Variants in NRXN1 observed in about 807,000 individuals in gnomAD.
NRXN1 encodes the protein neurexin-1.
A neutral mutation model predicts 150.9 loss-of-function variants in NRXN1; 39 were observed. That is an observed-to-expected ratio of 0.26 (90% CI 0.20 to 0.34). NRXN1 has a LOEUF of 0.34. Among genes scored for constraint, NRXN1 ranks in the 10% least tolerant of loss-of-function variants. NRXN1 has a pLI of 1.00. For synonymous variants in NRXN1, 924 were observed against 757.0 expected (o/e 1.22, Z -3.62); for missense variants, 1,815 against 1,949.9 (o/e 0.93, Z 1.30).
chr2:50,039,750 T>C lies in NRXN1; in HGVS notation c.4128+13521A>G, dbSNP rs17039695. Among the ~76,000 whole-genome samples, 208 of 152,218 alleles carry C rather than the reference T, an allele frequency of 1.4e-3. 3 individuals are homozygous for C. The East Asian group carries it at 0.032, about 23-fold the overall frequency. ...TGACTGGGAATTTAAAATGATGATA[T>C]AATAAAGGCAAGAGATTCAATACAA... is the stretch of plus-strand genomic sequence containing the variant. On this transcript the variant is annotated intron_variant, in intron 21 of 22. Transcript: ENST00000401669.
chr2:50,027,134 G>T (rs753031220), intron 21 of NRXN1, among the ~76,000 whole-genome samples: 1 of 151,698 alleles, frequency 6.6e-6, no homozygotes, highest in Non-Finnish European at 1.5e-5. Context: ...CACCCAACTC[G>T]GGTTCCCAAA....
chr2:50,984,878 A>G (rs1470683833), intron 2 of NRXN1, among the ~76,000 whole-genome samples: 1 of 152,106 alleles, frequency 6.6e-6, no homozygotes, highest in Non-Finnish European at 1.5e-5. Context: ...TTAGATCTAA[A>G]AAAAATTATC....
chr2:50,990,399 A>G (rs1330734141), intron 2 of NRXN1, among the ~76,000 whole-genome samples: 1 of 152,066 alleles, frequency 6.6e-6, no homozygotes, highest in Non-Finnish European at 1.5e-5. Context: ...ATGTTTTTCA[A>G]AGCTTTTAGC....
intron 17 of NRXN1, among the ~76,000 whole-genome samples, chr2:50,398,092 G>A (rs1213331545): frequency 6.6e-6 from 1 of 152,134 alleles, no homozygotes; most frequent in African/African-American, 2.4e-5. Context: ...TTCAGAGGCT[G>A]TGACATTTTC....
intron 1 of NRXN1, among the ~76,000 whole-genome samples, chr2:51,030,062 A>G (rs1011238279): frequency 2.0e-5 from 3 of 151,882 alleles, no homozygotes; most frequent in Non-Finnish European, 4.4e-5. Context: ...TCTTTATTCA[A>G]CTCTAATCTG....
chr2:50,476,881 G>A (rs1198232197), intron 15 of NRXN1, among the ~76,000 whole-genome samples: 1 of 152,020 alleles, frequency 6.6e-6, no homozygotes, highest in Non-Finnish European at 1.5e-5. Flanking sequence ...TTGACACAAA[G>A]CGATTAAGAG....
intron 5 of NRXN1, among the ~76,000 whole-genome samples, chr2:50,822,828 C>T (rs1669928297): frequency 6.6e-6 from 1 of 151,926 alleles, no homozygotes; most frequent in Non-Finnish European, 1.5e-5. Context: ...CAGCTTAAGC[C>T]CCTATCTAGA....
chr2:50,887,898 T>G (rs913322458), intron 5 of NRXN1, among the ~76,000 whole-genome samples: 2 of 150,854 alleles, frequency 1.3e-5, no homozygotes, highest in African/African-American at 4.9e-5. Flanking sequence ...TCATACCAAA[T>G]TGTAAAATAG....
At chr2:50,159,838 C>A (rs73932960) in intron 18 of NRXN1, among the ~76,000 whole-genome samples, 2,973 of 152,154 alleles carry the variant, frequency 0.02, 107 homozygotes, top group African/African-American at 0.068. Context: ...TTTAATAATA[C>A]TGGAGACAAT....
chr2:50,466,305 AC>A (rs2088839613), intron 16 of NRXN1, among the ~76,000 whole-genome samples: 1 of 151,782 alleles, frequency 6.6e-6, no homozygotes, highest in Non-Finnish European at 1.5e-5. Context: ...AAACTATGCT[AC>A]AAAGTTAGGC....
intron 18 of NRXN1, among the ~76,000 whole-genome samples, chr2:50,219,933 AT>A (rs1224941396): frequency 0.44 from 42,291 of 96,414 alleles, 9,434 homozygotes; most frequent in African/African-American, 0.52. Flanking sequence ...TATATTATAT[AT>A]ATTATATATT....
intron 17 of NRXN1, among the ~76,000 whole-genome samples, chr2:50,334,209 A>ATATGTATGTATGTATG (rs57342694): frequency 8.2e-6 from 1 of 121,452 alleles, no homozygotes; most frequent in East Asian, 2.4e-4. Flanking sequence ...ATATATATAT[A>ATATGTATGTATGTATG]TATGTATGTA....
At chr2:50,106,583 A>C (rs1181980538) in intron 18 of NRXN1, among the ~76,000 whole-genome samples, 2 of 152,026 alleles carry the variant, frequency 1.3e-5, no homozygotes, top group African/African-American at 4.8e-5. Flanking sequence ...GCCAAGATGA[A>C]CAAATGTGAA....
chr2:50,651,507 G>GACATA (rs552235633), intron 5 of NRXN1, among the ~76,000 whole-genome samples: 12 of 145,662 alleles, frequency 8.2e-5, no homozygotes, highest in Admixed American at 1.4e-4. Context: ...GACATGACAT[G>GACATA]ACATAACATG....
chr2:50,084,472 G>A (rs530283824), intron 19 of NRXN1, among the ~76,000 whole-genome samples: 2 of 152,244 alleles, frequency 1.3e-5, no homozygotes, highest in South Asian at 2.1e-4. Context: ...CATCACTGCC[G>A]GGGCCCACAG....
At chr2:50,230,680 A>G (rs953451971) in intron 18 of NRXN1, among the ~76,000 whole-genome samples, 3 of 152,036 alleles carry the variant, frequency 2.0e-5, no homozygotes. Flanking sequence ...AGATGAGGAA[A>G]TAACTCTAGA....
intron 5 of NRXN1, among the ~76,000 whole-genome samples, chr2:50,666,254 A>G (rs1688001039): frequency 6.6e-6 from 1 of 151,960 alleles, no homozygotes; most frequent in Non-Finnish European, 1.5e-5. Flanking sequence ...ATTGCTCAGT[A>G]GTATTTCTTG....
intron 18 of NRXN1, among the ~76,000 whole-genome samples, chr2:50,118,703 A>C (rs1486228426): frequency 1.3e-5 from 2 of 152,190 alleles, no homozygotes; most frequent in African/African-American, 2.4e-5. Flanking sequence ...CTGTGGTACT[A>C]GGCTCAAGAA....
intron 17 of NRXN1, among the ~76,000 whole-genome samples, chr2:50,324,457 G>C (rs1187053832): frequency 6.6e-6 from 1 of 152,224 alleles, no homozygotes; most frequent in African/African-American, 2.4e-5. Flanking sequence ...ACTTCTATCA[G>C]AGCCCTGGGT....
Sources: allele counts gnomAD v4.1 joint callset (sites outside exome capture counted in the v4.1 genomes callset), GRCh38; gene constraint gnomAD v4.1.1; transcripts MANE v1.5; gene names NCBI Gene and HGNC (gene_info 2026-07-23, HGNC 2026-07-21).